Variants in FBXW11 observed in about 807,000 individuals in gnomAD.
FBXW11 encodes F-box and WD repeat domain containing 11, also known as F-box/WD repeat-containing protein 11.
A neutral mutation model predicts 77.6 loss-of-function variants in FBXW11; 19 were observed. The ratio of observed to expected loss-of-function variants is 0.24; its 90% CI spans 0.17 to 0.36. The LOEUF (loss-of-function observed/expected upper bound fraction) is 0.36. Among genes scored for constraint, FBXW11 ranks in the 10% least tolerant of loss-of-function variants. FBXW11 has a pLI of 1.00. For synonymous variants in FBXW11, 235 were observed against 249.4 expected, an observed-to-expected ratio of 0.94 and a Z score of 0.54; for missense variants, 334 against 704.2, an observed-to-expected ratio of 0.47 and a Z score of 5.95.
At chr5:171,934,705 T>A in intron 2 of FBXW11, among the ~76,000 whole-genome samples, 1 of 149,806 alleles carries the variant, frequency 6.7e-6, no homozygotes. Context: ...TAGAAAATTA[T>A]TAGGAAACAT....
intron 6 of FBXW11, among the ~76,000 whole-genome samples, chr5:171,895,731 A>C (rs1362851312): frequency 6.6e-6 from 1 of 152,220 alleles, no homozygotes; most frequent in Non-Finnish European, 1.5e-5. Flanking sequence ...TTGAAGTAAG[A>C]ATCTCAGCTT....
rs773267748 is a variant in FBXW11 at position 171,868,602 on chromosome 5, G to C, written c.*25+8C>G. On this transcript the variant is annotated splice_region_variant and intron_variant, in intron 13 of 13. Coordinates refer to ENST00000517395, the MANE Select transcript of FBXW11 (RefSeq NM_001378974.1). ...AGCAAAATTGGAAGGGGAGAGGATA[G>C]TACTCACCTGAAACGGGTGAAAGTG... 6.3e-7 allele frequency: 1 copy of C among 1,599,402 alleles called. No homozygotes were observed. Among genetic ancestry groups the C allele is most frequent in the Non-Finnish European group, 8.5e-7 (1 of 1,172,520 alleles).
intron 1 of FBXW11, among the ~76,000 whole-genome samples, chr5:171,981,470 T>C (rs1433593892): frequency 6.6e-6 from 1 of 152,202 alleles, no homozygotes; most frequent in African/African-American, 2.4e-5. Context: ...GACTTGTGAC[T>C]GGCACCTTAA....
intron 6 of FBXW11, among the ~76,000 whole-genome samples, chr5:171,896,529 C>T (rs1466924773): frequency 6.6e-6 from 1 of 152,144 alleles, no homozygotes; most frequent in Non-Finnish European, 1.5e-5. Flanking sequence ...CCTTGAAATT[C>T]AGCAGGCATA....
chr5:171,997,192 T>G (rs1766104061), intron 1 of FBXW11: 1 of 526,348 alleles, frequency 1.9e-6, no homozygotes, highest in East Asian at 7.0e-5. Context: ...GTCAGCTATT[T>G]GGCATAAAAT....
chr5:171,928,353 T>TA (rs545944745), intron 2 of FBXW11, among the ~76,000 whole-genome samples: 1 of 152,192 alleles, frequency 6.6e-6, no homozygotes, highest in Non-Finnish European at 1.5e-5. Context: ...ATGCAATCCC[T>TA]AAAAAAACCC....
At chr5:171,953,318 A>AG (rs1763442262) in intron 2 of FBXW11, among the ~76,000 whole-genome samples, 2 of 152,218 alleles carry the variant, frequency 1.3e-5, no homozygotes, top group Non-Finnish European at 1.5e-5. Flanking sequence ...TTTAGTGTCT[A>AG]TAAAATACTA....
intron 2 of FBXW11, among the ~76,000 whole-genome samples, chr5:171,952,434 TA>T (rs1763377316): frequency 1.3e-4 from 2 of 15,596 alleles, no homozygotes; most frequent in African/African-American, 2.1e-4. Context: ...TATATATATA[TA>T]TATATATATA....
rs532086403 is a variant in FBXW11, at chr5:171,998,461, C to T, written c.45+7997G>A. On this transcript the variant is annotated intron_variant, in intron 1 of 13. Transcript: ENST00000517395. The stretch of plus-strand genomic sequence containing the variant: ...AAGGGCTGGGATTACAGGTGTGAGC[C>T]CCCATGCCCAGCCTAAAGCCCACAA... Among the ~76,000 whole-genome samples, 59 of 150,648 alleles carry T rather than the reference C, an allele frequency of 3.9e-4. 3 individuals carry two copies. In the South Asian group the frequency reaches 0.011, roughly 28 times the overall value.
At chr5:171,979,297 A>G (rs1480715492) in intron 1 of FBXW11, among the ~76,000 whole-genome samples, 1 of 152,150 alleles carries the variant, frequency 6.6e-6, no homozygotes, top group Non-Finnish European at 1.5e-5. Flanking sequence ...TGGGAAACAA[A>G]GACCCTCTCT....
chr5:171,879,070 GA>G (rs1758332686), intron 7 of FBXW11, among the ~76,000 whole-genome samples: 1 of 152,172 alleles, frequency 6.6e-6, no homozygotes, highest in Non-Finnish European at 1.5e-5. Flanking sequence ...GTATATTTTA[GA>G]AAAGGAAGAA....
At chr5:171,952,472 A>G (rs1763397158) in intron 2 of FBXW11, among the ~76,000 whole-genome samples, 1 of 7,662 alleles carries the variant, frequency 1.3e-4, no homozygotes, top group Non-Finnish European at 3.0e-4. Flanking sequence ...TTTTTTTTTG[A>G]GACGGAGTCT....
chr5:171,995,796 C>A (rs1766012928), intron 1 of FBXW11, among the ~76,000 whole-genome samples: 1 of 151,960 alleles, frequency 6.6e-6, no homozygotes, highest in Non-Finnish European at 1.5e-5. Context: ...CCATGCCAAA[C>A]AATGACCCAC....
intron 1 of FBXW11, among the ~76,000 whole-genome samples, chr5:171,992,128 G>GAAA (rs397768542): frequency 1.2e-5 from 1 of 85,356 alleles, no homozygotes. Flanking sequence ...AAGAAAAAAA[G>GAAA]AAAAAAAAAA....
At chr5:171,935,153 T>G (rs943980058) in intron 2 of FBXW11, among the ~76,000 whole-genome samples, 1 of 152,174 alleles carries the variant, frequency 6.6e-6, no homozygotes, top group Non-Finnish European at 1.5e-5. Context: ...GAGACGGGGT[T>G]TCACCGTGTT....
At chr5:171,975,756 C>T (rs1232985317) in intron 1 of FBXW11, among the ~76,000 whole-genome samples, 1 of 152,128 alleles carries the variant, frequency 6.6e-6, no homozygotes, top group Non-Finnish European at 1.5e-5. Flanking sequence ...TAGTTCTCTC[C>T]TCCCTCCTTA....
At chr5:171,950,457 G>A (rs1462969630) in intron 2 of FBXW11, among the ~76,000 whole-genome samples, 1 of 150,996 alleles carries the variant, frequency 6.6e-6, no homozygotes, top group Non-Finnish European at 1.5e-5. Flanking sequence ...AAAATCTAGG[G>A]ATGATAAAAG....
At chr5:171,951,528 C>A (rs537140702) in intron 2 of FBXW11, among the ~76,000 whole-genome samples, 1 of 151,136 alleles carries the variant, frequency 6.6e-6, no homozygotes, top group Non-Finnish European at 1.5e-5. Flanking sequence ...CAGAGCAAGA[C>A]CCAATCTCAA....
chr5:171,908,437 G>A (rs975303847), intron 4 of FBXW11, among the ~76,000 whole-genome samples: 3 of 152,138 alleles, frequency 2.0e-5, no homozygotes, highest in African/African-American at 7.2e-5. Flanking sequence ...TAATCAAGAT[G>A]TGTGATTCTG....
Sources: gnomAD v4.1 joint callset for allele counts (sites outside exome capture counted in the v4.1 genomes callset) on GRCh38, gnomAD v4.1.1 for gene constraint, MANE v1.5 for transcripts, NCBI Gene and HGNC (gene_info 2026-07-23, HGNC 2026-07-21) for gene names.